CLVS2: variants seen among roughly 807,000 people sequenced by gnomAD.
The protein encoded by CLVS2 is clavesin-2.
CLVS2 carries 19 observed loss-of-function variants against 29.0 expected under a neutral mutation model. The observed-to-expected ratio is 0.66, with a 90% CI of 0.46 to 0.96. The LOEUF is 0.96. Ranked by LOEUF, CLVS2 falls within the 40% of genes least tolerant of loss-of-function variation. The probability of loss-of-function intolerance (pLI) is 0.00; values close to 1 mark genes in which losing one functional copy is unlikely to be tolerated. For synonymous variants in CLVS2, 161 were observed against 151.3 expected (o/e 1.06, Z -0.47); for missense variants, 294 against 404.1 (o/e 0.73, Z 2.34).
chr6:123,023,196 CTG>C (rs1774949620), intron 3 of CLVS2, among the ~76,000 whole-genome samples: 1 of 152,076 alleles, frequency 6.6e-6, no homozygotes. Context: ...AACTCAGTTG[CTG>C]TGGTGTGTCC....
At chr6:123,021,053 G>GC (rs1014254479) in intron 3 of CLVS2, among the ~76,000 whole-genome samples, 1 of 150,562 alleles carries the variant, frequency 6.6e-6, no homozygotes, top group Non-Finnish European at 1.5e-5. Context: ...AAAGAGTATG[G>GC]GGGGGGTAAA....
chr6:123,058,974 A>AT (rs1772734638), intron 5 of CLVS2, among the ~76,000 whole-genome samples: 1 of 152,008 alleles, frequency 6.6e-6, no homozygotes, highest in Admixed American at 6.6e-5. Context: ...TATATTTTTA[A>AT]TGACTGCTAT....
chr6:123,052,106 C>T (rs1443959178), intron 4 of CLVS2, among the ~76,000 whole-genome samples: 1 of 151,334 alleles, frequency 6.6e-6, no homozygotes, highest in Non-Finnish European at 1.5e-5. Context: ...ACAATATATG[C>T]ATGATTTAAG....
At position 123,064,382 on chromosome 6, in the gene CLVS2, T is replaced by C. The variant is rs1449104451; in HGVS notation, c.*621T>C. ...TAAACTGAACACTTGAACTCTTCTATGTTGTTTAATTCTTGGAATCTTGTG... is the reference window on the plus strand; with the variant it reads ...TAAACTGAACACTTGAACTCTTCTACGTTGTTTAATTCTTGGAATCTTGTG... On this transcript the variant is annotated 3_prime_UTR_variant, in exon 6 of 6. Transcript: ENST00000275162. The C allele has an allele frequency of 1.3e-5, 2 of 152,054 alleles. No individual in the cohort carries two copies. The highest frequency in any genetic ancestry group is 2.9e-5 in the Non-Finnish European group (2 of 67,922). 9.4% of individuals were successfully genotyped at this position (152,054 alleles called of 1,614,324 possible). A position where few individuals can be genotyped will look rare whatever the true frequency, so the allele number is the denominator to read the frequency against.
Position 123,070,670 on chromosome 6 carries a change from T to C in CLVS2, c.*6909T>C, listed in dbSNP as rs916015082. The C allele has an allele frequency of 2.0e-5, 3 of 151,998 alleles. No individual in the cohort carries two copies. Among genetic ancestry groups the C allele is most frequent in the African/African-American group, 7.2e-5 (3 of 41,410 alleles). 9.4% of individuals were successfully genotyped at this position (151,998 alleles called of 1,614,324 possible). A position where few individuals can be genotyped will look rare whatever the true frequency, so the allele number is the denominator to read the frequency against. ...TACAGCAACATAGCATGGTTTCTGA[T>C]TGGGCTGGCATTTTTGCTGGTACTA... On this transcript the variant is annotated 3_prime_UTR_variant, in exon 6 of 6. Coordinates refer to ENST00000275162, the MANE Select transcript of CLVS2 (RefSeq NM_001010852.4).
In CLVS2 at chr6:123,070,326, C is replaced by T. The variant is rs1170330235; in HGVS notation, c.*6565C>T. ...AAATTTTGGAGTCATCCTCTCTTTCCTTCCTCTTTTTCTTTCAAAACTACA... is the reference window on the plus strand; with the variant it reads ...AAATTTTGGAGTCATCCTCTCTTTCTTTCCTCTTTTTCTTTCAAAACTACA... On this transcript the variant is annotated 3_prime_UTR_variant, in exon 6 of 6. Coordinates refer to ENST00000275162, the MANE Select transcript of CLVS2 (RefSeq NM_001010852.4). 6.6e-6 allele frequency: 1 copy of T among 151,880 alleles called. No homozygotes were observed. The highest frequency in any genetic ancestry group is 1.5e-5 in the Non-Finnish European group (1 of 67,886). 9.4% of individuals were successfully genotyped at this position (151,880 alleles called of 1,614,324 possible). A position where few individuals can be genotyped will look rare whatever the true frequency, so the allele number is the denominator to read the frequency against.
chr6:123,053,798 G>C (rs1274080543), intron 4 of CLVS2, among the ~76,000 whole-genome samples: 1 of 152,120 alleles, frequency 6.6e-6, no homozygotes, highest in Non-Finnish European at 1.5e-5. Flanking sequence ...AGCAGAGAGA[G>C]GAAATCTGAG....
At position 123,065,878 on chromosome 6, in the gene CLVS2, G is replaced by A. The variant is rs1220818344; in HGVS notation, c.*2117G>A. ...GCATTGGCAGCTTCTTTCCCCTATC[G>A]TAAAGTTAGTGTCATATATAAAAAT... On this transcript the variant is annotated 3_prime_UTR_variant, in exon 6 of 6. Coordinates refer to ENST00000275162, the MANE Select transcript of CLVS2 (RefSeq NM_001010852.4). 1 of 151,494 alleles carries A rather than the reference G, an allele frequency of 6.6e-6. No homozygotes were observed. The highest frequency in any genetic ancestry group is 1.9e-4 in the East Asian group (1 of 5,170). 9.4% of individuals were successfully genotyped at this position (151,494 alleles called of 1,614,324 possible). A position where few individuals can be genotyped will look rare whatever the true frequency, so the allele number is the denominator to read the frequency against.
chr6:123,059,855 C>T (rs1185290460), intron 5 of CLVS2, among the ~76,000 whole-genome samples: 1 of 152,130 alleles, frequency 6.6e-6, no homozygotes, highest in African/African-American at 2.4e-5. Flanking sequence ...CCATTTTCTC[C>T]CCTACACACT....
chr6:123,049,823 G>A (rs572918681), intron 4 of CLVS2, among the ~76,000 whole-genome samples: 1 of 147,824 alleles, frequency 6.8e-6, no homozygotes, highest in South Asian at 2.1e-4. Flanking sequence ...GGGAGGAATA[G>A]CATTAGGAGA....
chr6:123,045,713 T>C (rs1380016464), intron 3 of CLVS2, among the ~76,000 whole-genome samples: 1 of 152,136 alleles, frequency 6.6e-6, no homozygotes, highest in Non-Finnish European at 1.5e-5. Flanking sequence ...CTACAGAATA[T>C]GTAACCTCTG....
rs1406928715 is a variant in CLVS2 at position 123,068,375 on chromosome 6, G to A, written c.*4614G>A. On this transcript the variant is annotated 3_prime_UTR_variant, in exon 6 of 6. Coordinates refer to ENST00000275162, the MANE Select transcript of CLVS2 (RefSeq NM_001010852.4). Reference sequence around the variant, plus strand: ...TGCAAATATGTCTGTCCTTGATATAGTGCATTTATTCTGTAAGACTTATTT... The same window carrying A: ...TGCAAATATGTCTGTCCTTGATATAATGCATTTATTCTGTAAGACTTATTT... The A allele has an allele frequency of 6.6e-6, 1 of 151,584 alleles. No individual in the cohort carries two copies. The highest frequency in any genetic ancestry group is 1.5e-5 in the Non-Finnish European group (1 of 67,684). The allele number at this position is 151,584 out of a possible 1,614,324, so 9.4% of individuals were successfully genotyped here.
At chr6:123,000,103 T>A (rs1483374240) in intron 2 of CLVS2, among the ~76,000 whole-genome samples, 3 of 152,172 alleles carry the variant, frequency 2.0e-5, no homozygotes, top group Non-Finnish European at 4.4e-5. Flanking sequence ...TTACACATAA[T>A]CTTAAATACT....
intron 3 of CLVS2, among the ~76,000 whole-genome samples, chr6:123,012,555 G>GT (rs1185978057): frequency 6.6e-6 from 1 of 151,792 alleles, no homozygotes; most frequent in African/African-American, 2.4e-5. Context: ...ACTTTATGGA[G>GT]TTTTTTAATA....
chr6:123,021,387 A>G (rs1312871741), intron 3 of CLVS2, among the ~76,000 whole-genome samples: 3 of 151,640 alleles, frequency 2.0e-5, no homozygotes, highest in African/African-American at 7.3e-5. Flanking sequence ...CCGGGAGGGG[A>G]TCTTTTTATG....
At chr6:123,016,339 T>TG (rs10665635) in intron 3 of CLVS2, among the ~76,000 whole-genome samples, 2,157 of 130,572 alleles carry the variant, frequency 0.017, 71 homozygotes, top group African/African-American at 0.052. Context: ...GTGCTTTTTT[T>TG]GGGGGGGAGG....
intron 3 of CLVS2, among the ~76,000 whole-genome samples, chr6:123,039,440 G>A (rs184840286): frequency 3.9e-4 from 60 of 152,288 alleles, no homozygotes; most frequent in Admixed American, 3.9e-3. Context: ...TAATAAAGGA[G>A]CCTGACTTAG....
chr6:123,008,128 G>A (rs991421899), intron 2 of CLVS2, among the ~76,000 whole-genome samples: 2 of 152,118 alleles, frequency 1.3e-5, no homozygotes, highest in African/African-American at 2.4e-5. Context: ...CAGAGGAGTG[G>A]AGTTAAGAGT....
chr6:123,040,062 T>C (rs928965438), intron 3 of CLVS2, among the ~76,000 whole-genome samples: 2 of 152,122 alleles, frequency 1.3e-5, no homozygotes, highest in Non-Finnish European at 1.5e-5. Flanking sequence ...GTATCAAGGG[T>C]CCAGGCTTGG....
Sources: allele counts gnomAD v4.1 joint callset (sites outside exome capture counted in the v4.1 genomes callset), GRCh38; gene constraint gnomAD v4.1.1; transcripts MANE v1.5; gene names NCBI Gene and HGNC (gene_info 2026-07-23, HGNC 2026-07-21).